MEIS3: variants seen among roughly 807,000 people sequenced by gnomAD.
MEIS3 encodes Meis homeobox 3, also known as homeobox protein Meis3.
A neutral mutation model predicts 51.4 loss-of-function variants in MEIS3; 38 were observed. The observed-to-expected ratio is 0.74, with a 90% CI of 0.57 to 0.97. The LOEUF (loss-of-function observed/expected upper bound fraction) is 0.97. MEIS3 is among the 50% of genes least tolerant of loss of function. The pLI is 0.00. For missense variants in MEIS3, 456 were observed against 502.6 expected, an observed-to-expected ratio of 0.91 and a Z score of 0.89; for synonymous variants, 198 against 201.8, an observed-to-expected ratio of 0.98 and a Z score of 0.16.
chr19:47,405,397 G>C (rs1020220767), intron 12 of MEIS3, among the ~76,000 whole-genome samples: 3 of 152,166 alleles, frequency 2.0e-5, no homozygotes, highest in African/African-American at 7.2e-5. Context: ...AATCTTCCCT[G>C]ATACCCCAGA....
intron 3 of MEIS3, 30 bp from the exon 4 acceptor site, chr19:47,416,732 G>C: frequency 6.2e-7 from 1 of 1,609,038 alleles, no homozygotes; most frequent in Non-Finnish European, 8.5e-7. Flanking sequence ...CCGGCAGGGG[G>C]ATGTCCCGCC....
Position 47,409,196 on chromosome 19 carries a change from T to A in MEIS3, c.761A>T (p.Glu254Val), listed in dbSNP as rs956834594. 3.1e-6 allele frequency: 5 copies of A among 1,613,354 alleles called. No individual in the cohort carries two copies. Among genetic ancestry groups the A allele is most frequent in the Non-Finnish European group, 4.2e-6 (5 of 1,179,998 alleles). The change falls in exon 8 of 13, where the codon GAG becomes GTG. Residue 254 changes from glutamate to valine, a missense_variant. By Grantham distance (121) the Glu-to-Val change is moderately radical. Coordinates refer to ENST00000558555, the MANE Select transcript of MEIS3 (RefSeq NM_001301059.2). ...TCGCCGTCGCTCCTGGTCCAAGTCC[T>A]CATCTTCTCCACCAGAACTGGGAGA... Reference protein sequence around the residue: ...VASPSSGGEDEDLDQERRRNK... With the variant: ...VASPSSGGEDVDLDQERRRNK...
At chr19:47,420,940 A>ACACACCCTCTCT (rs1187725467), upstream of MEIS3, among the ~76,000 whole-genome samples, 1 of 90,968 alleles carries the variant, frequency 1.1e-5, no homozygotes, top group Non-Finnish European at 2.1e-5. Context: ...ACACACACAC[A>ACACACCCTCTCT]CTCTCTCTCT....
At chr19:47,417,513 C>T (rs1971505694) in intron 1 of MEIS3, 163 bp from the exon 2 acceptor site, 3 of 865,408 alleles carry the variant, frequency 3.5e-6, no homozygotes, top group East Asian at 2.6e-5. Flanking sequence ...TTGAAGCCCT[C>T]CAGGTCCCCT....
chr19:47,417,285 C>G lies in MEIS3; in HGVS notation c.78G>C (p.Glu26Asp), dbSNP rs1441755849. 7 of 1,613,572 alleles carry G rather than the reference C, an allele frequency of 4.3e-6. No homozygotes were observed. The highest frequency in any genetic ancestry group is 4.5e-5 in the East Asian group (2 of 44,882). The change falls in exon 2 of 13, where the codon GAG (glutamate) becomes GAC (aspartate). Residue 26 changes from glutamate (E) to aspartate (D), a missense_variant. Glu to Asp is a conservative substitution (Grantham distance 45, BLOSUM62 2). Coordinates refer to ENST00000558555, the MANE Select transcript of MEIS3 (RefSeq NM_001301059.2). ...DGPAALASFPETVPAVPGPYG... is the reference protein window; with the variant it reads ...DGPAALASFPDTVPAVPGPYG... ...AGGGCCCTGGTACTGCGGGCACTGT[C>G]TCTGGGAAGCTAGCCAGGGCTGCGG...
chr19:47,420,928 A>ACT (rs1415253684), upstream of MEIS3, among the ~76,000 whole-genome samples: 1 of 112,288 alleles, frequency 8.9e-6, no homozygotes, highest in African/African-American at 4.3e-5. Flanking sequence ...ACACACACAC[A>ACT]CACACACACA....
chr19:47,418,985 TG>T, intron 1 of MEIS3, 84 bp downstream of exon 1: 2 of 685,914 alleles, frequency 2.9e-6, no homozygotes, highest in Non-Finnish European at 3.5e-6. Context: ...GATGGGCTAA[TG>T]GGGGCCAGCG....
intron 12 of MEIS3, 26 bp from the exon 13 acceptor site, chr19:47,403,579 G>A (rs1410154527): frequency 6.3e-5 from 26 of 413,084 alleles, no homozygotes; most frequent in Non-Finnish European, 7.3e-5. Context: ...GAGAGGCCAA[G>A]TCAGGAGCGG....
chr19:47,403,960 G>T (rs1970704170), intron 12 of MEIS3, among the ~76,000 whole-genome samples: 1 of 152,142 alleles, frequency 6.6e-6, no homozygotes, highest in Non-Finnish European at 1.5e-5. Flanking sequence ...CCAACACTTT[G>T]GGAGGCAGAG....
rs752156570 is a variant in MEIS3, at chr19:47,406,907, G to C, written c.1059C>G (p.His353Gln). ...PIGGYTETQPHVAVRPPGSVG... is the reference protein window; with the variant it reads ...PIGGYTETQPQVAVRPPGSVG... ...GCTTACCCGGAGGCCGGACGGCCAC[G>C]TGTGGCTGCGTCTCGGTATAGCCCC... The change falls in exon 11 of 13, where the codon CAC becomes CAG. Residue 353 changes from histidine to glutamine, a missense_variant. Physicochemically the swap from His to Gln is conservative, Grantham distance 24 (BLOSUM62 0). Transcript: ENST00000558555. The C allele has an allele frequency of 1.3e-6, 2 of 1,576,682 alleles. No individual in the cohort carries two copies. Among genetic ancestry groups the C allele is most frequent in the South Asian group, 1.2e-5 (1 of 86,262 alleles).
chr19:47,407,736 G>T, intron 8 of MEIS3: 1 of 506,242 alleles, frequency 2.0e-6, no homozygotes, highest in Non-Finnish European at 3.4e-6. Flanking sequence ...ACTGGCGTCG[G>T]GGAGGGAAGC....
At chr19:47,417,795 G>A (rs368932424) in intron 1 of MEIS3, 191 of 629,996 alleles carry the variant, frequency 3.0e-4, no homozygotes, top group African/African-American at 3.0e-3. Context: ...GCAGATAAGC[G>A]CATCAGAGTA....
At chr19:47,409,350 C>A in intron 7 of MEIS3, 86 bp downstream of exon 7, 1 of 1,576,932 alleles carries the variant, frequency 6.3e-7, no homozygotes, top group Non-Finnish European at 8.7e-7. Context: ...CCAGCCATCT[C>A]TGCCCCTCTA....
chr19:47,407,574 C>G, intron 8 of MEIS3, 146 bp from the exon 9 acceptor site: 1 of 1,512,386 alleles, frequency 6.6e-7, no homozygotes, highest in Non-Finnish European at 8.8e-7. Flanking sequence ...TCTCTGCGCT[C>G]CCCAGGATGG....
intron 6 of MEIS3, among the ~76,000 whole-genome samples, chr19:47,412,771 T>C (rs1233614928): frequency 1.3e-5 from 2 of 151,982 alleles, no homozygotes; most frequent in East Asian, 2.0e-4. Context: ...GGTTTCACCA[T>C]GTTGGCCTGG....
chr19:47,407,473 A>G, intron 8 of MEIS3, 45 bp from the exon 9 acceptor site: 2 of 1,613,628 alleles, frequency 1.2e-6, no homozygotes, highest in Non-Finnish European at 1.7e-6. Flanking sequence ...GGCCGGCCGC[A>G]GTCTGAACCC....
At position 47,415,044 on chromosome 19, in the gene MEIS3, C is replaced by T. The variant is rs778488411; in HGVS notation, c.447+7G>A. Reference sequence around the variant, plus strand: ...AGTGAGGGTGTGGGGAGGTGAGACGCGCTCACCTTCTCCAGCTCCAGCAGG... The same window carrying T: ...AGTGAGGGTGTGGGGAGGTGAGACGTGCTCACCTTCTCCAGCTCCAGCAGG... On this transcript the variant is annotated splice_region_variant and intron_variant, in intron 5 of 12. Transcript: ENST00000558555. 1.0e-5 allele frequency: 16 copies of T among 1,558,262 alleles called. No homozygotes were observed. The highest frequency in any genetic ancestry group is 2.1e-4 in the Middle Eastern group (1 of 4,704).
At chr19:47,418,628 G>A (rs951733684) in intron 1 of MEIS3, 3 of 155,032 alleles carry the variant, frequency 1.9e-5, no homozygotes, top group Non-Finnish European at 2.8e-5. Flanking sequence ...GAGGAGAGCA[G>A]AAAAAAGGGG....
chr19:47,409,284 G>C lies in MEIS3; in HGVS notation c.710-37C>G, dbSNP rs1423901762. On this transcript the variant is annotated intron_variant, in intron 7 of 12. Transcript: ENST00000558555. ...CAGGCATGCTGTGTGTGTGGGTAGT[G>C]AAGAGTGGAGGACCAGAGGGCCCCA... 4 of 1,592,428 alleles carry C rather than the reference G, an allele frequency of 2.5e-6. No homozygotes were observed. In the African/African-American group the frequency reaches 5.4e-5, roughly 21 times the overall value.
Sources: allele counts gnomAD v4.1 joint callset (sites outside exome capture counted in the v4.1 genomes callset), GRCh38; gene constraint gnomAD v4.1.1; transcripts MANE v1.5; gene names NCBI Gene and HGNC (gene_info 2026-07-23, HGNC 2026-07-21).